PALM2AKAP2: variants seen among roughly 807,000 people sequenced by gnomAD.
The protein encoded by PALM2AKAP2 is PALM2-AKAP2 fusion protein.
Under a neutral mutation model 71.5 loss-of-function variants are expected in PALM2AKAP2, and 37 were observed. The ratio of observed to expected loss-of-function variants is 0.52; its 90% confidence interval spans 0.40 to 0.68. PALM2AKAP2 has a LOEUF of 0.68. PALM2AKAP2 is among the 30% of genes least tolerant of loss of function. The probability of loss-of-function intolerance (pLI) is 0.00; values close to 1 mark genes in which losing one functional copy is unlikely to be tolerated. For synonymous variants in PALM2AKAP2, 468 were observed against 478.8 expected (o/e 0.98, Z 0.29); for missense variants, 1,224 against 1,191.8 (o/e 1.03, Z -0.40).
chr9:110,016,080 T>G, intron 7 of PALM2AKAP2, 41 bp downstream of exon 7: 124 of 1,585,874 alleles, frequency 7.8e-5, no homozygotes, highest in Non-Finnish European at 9.8e-5. Flanking sequence ...AGTGTATCTC[T>G]AGAGTAAAGG....
Position 109,927,750 on chromosome 9 carries a change from C to T in PALM2AKAP2, c.394+2668C>T, listed in dbSNP as rs537441954. 1.4e-4 allele frequency among the ~76,000 whole-genome samples: 22 copies of T among 152,310 alleles called. 1 individual carries two copies. In the South Asian group the frequency reaches 4.4e-3, roughly 30 times the overall value. The stretch of plus-strand genomic sequence containing the variant: ...TACATTCTGACACCCACTCTCCTCC[C>T]CCGCCAACACACACTGTTGTTATAT... On this transcript the variant is annotated intron_variant, in intron 5 of 9. Transcript: ENST00000302798.
chr9:110,040,492 A>C (rs1833492165), intron 7 of PALM2AKAP2, among the ~76,000 whole-genome samples: 1 of 152,216 alleles, frequency 6.6e-6, no homozygotes, highest in Admixed American at 6.5e-5. Flanking sequence ...AGACTACCGC[A>C]AAGACTATCT....
At chr9:110,024,856 T>C (rs1431081571) in intron 7 of PALM2AKAP2, 1 of 794,010 alleles carries the variant, frequency 1.3e-6, no homozygotes. Flanking sequence ...AGAGGTCTTT[T>C]ATTTATTTAT....
chr9:109,836,668 G>A lies in PALM2AKAP2; in HGVS notation c.46-30823G>A, dbSNP rs181157466. Among the ~76,000 whole-genome samples the A allele has an allele frequency of 3.2e-4, 49 of 152,314 alleles. 1 individual carries two copies. In the East Asian group the frequency reaches 4.4e-3, roughly 14 times the overall value. On this transcript the variant is annotated intron_variant, in intron 1 of 9. Coordinates refer to the PALM2AKAP2 transcript ENST00000302798. ...CAAATGGCTAACTAGAATAACCAGT[G>A]TAGAGAAGTCCTTAAATGACCTGAT...
intron 1 of PALM2AKAP2, among the ~76,000 whole-genome samples, chr9:109,689,952 T>A (rs1169598839): frequency 6.6e-6 from 1 of 152,014 alleles, no homozygotes; most frequent in East Asian, 1.9e-4. Flanking sequence ...AGGCCAGGAA[T>A]GTCATGGAGA....
intron 1 of PALM2AKAP2, among the ~76,000 whole-genome samples, chr9:109,836,194 G>C (rs1447431007): frequency 6.6e-6 from 1 of 152,222 alleles, no homozygotes; most frequent in Non-Finnish European, 1.5e-5. Context: ...CCAGAGGAAT[G>C]ATCAGGCAGC....
chr9:109,666,579 A>C (rs1350928309), intron 1 of PALM2AKAP2, among the ~76,000 whole-genome samples: 1 of 151,890 alleles, frequency 6.6e-6, no homozygotes, highest in East Asian at 1.9e-4. Flanking sequence ...CTTCTCTCCC[A>C]CTCTCAGTTC....
At chr9:109,834,940 C>T (rs1828416084) in intron 1 of PALM2AKAP2, among the ~76,000 whole-genome samples, 1 of 152,126 alleles carries the variant, frequency 6.6e-6, no homozygotes, top group South Asian at 2.1e-4. Flanking sequence ...GTTTGATTCC[C>T]CCAATCTCAA....
chr9:109,747,480 C>T (rs1587892652), intron 1 of PALM2AKAP2, among the ~76,000 whole-genome samples: 2 of 152,218 alleles, frequency 1.3e-5, no homozygotes, highest in Non-Finnish European at 2.9e-5. Flanking sequence ...ATTATATATA[C>T]TCATAAGAAG....
At chr9:109,943,206 A>G in intron 6 of PALM2AKAP2, 1 of 1,614,226 alleles carries the variant, frequency 6.2e-7, no homozygotes, top group East Asian at 2.2e-5. Flanking sequence ...TCAAGGCTGA[A>G]TTGGTCCTCA....
chr9:109,972,159 G>A (rs1588039053), intron 6 of PALM2AKAP2, among the ~76,000 whole-genome samples: 1 of 152,186 alleles, frequency 6.6e-6, no homozygotes, highest in Non-Finnish European at 1.5e-5. Context: ...GCTTCATGCA[G>A]GGCCTTGCCT....
intron 6 of PALM2AKAP2, among the ~76,000 whole-genome samples, chr9:109,998,443 G>A (rs1185086097): frequency 6.6e-6 from 1 of 152,100 alleles, no homozygotes; most frequent in East Asian, 1.9e-4. Flanking sequence ...TGGATAGGAA[G>A]GCTGGAAGGC....
intron 1 of PALM2AKAP2, among the ~76,000 whole-genome samples, chr9:110,075,355 T>C (rs1254542506): frequency 1.3e-5 from 2 of 152,246 alleles, no homozygotes; most frequent in Non-Finnish European, 2.9e-5. Context: ...GTTTGAAAAC[T>C]GAATCAGATG....
chr9:109,663,200 C>T (rs1003826123), intron 1 of PALM2AKAP2, among the ~76,000 whole-genome samples: 1 of 152,144 alleles, frequency 6.6e-6, no homozygotes, highest in African/African-American at 2.4e-5. Flanking sequence ...CAGTTCTGCT[C>T]TGATCTTAGT....
At chr9:109,916,251 T>C (rs1350944727) in intron 3 of PALM2AKAP2, among the ~76,000 whole-genome samples, 3 of 152,166 alleles carry the variant, frequency 2.0e-5, no homozygotes, top group Non-Finnish European at 4.4e-5. Flanking sequence ...TAGCTGAGGA[T>C]CTGGGAAGCA....
intron 1 of PALM2AKAP2, among the ~76,000 whole-genome samples, chr9:109,858,955 A>G (rs1829242559): frequency 6.6e-6 from 1 of 152,198 alleles, no homozygotes; most frequent in African/African-American, 2.4e-5. Flanking sequence ...AAACAGACTT[A>G]AGATATAACC....
At chr9:110,065,018 A>G (rs1179117302) in intron 1 of PALM2AKAP2, among the ~76,000 whole-genome samples, 1 of 152,128 alleles carries the variant, frequency 6.6e-6, no homozygotes, top group Non-Finnish European at 1.5e-5. Context: ...GGCTGTGGAA[A>G]CATAGCAGTG....
At chr9:109,895,641 A>G (rs956692464) in intron 3 of PALM2AKAP2, among the ~76,000 whole-genome samples, 2 of 152,206 alleles carry the variant, frequency 1.3e-5, no homozygotes, top group Admixed American at 1.3e-4. Flanking sequence ...TAAAGAAGGA[A>G]GGGAGATTCT....
At chr9:109,979,068 C>A (rs1832222274) in intron 6 of PALM2AKAP2, among the ~76,000 whole-genome samples, 1 of 151,932 alleles carries the variant, frequency 6.6e-6, no homozygotes, top group African/African-American at 2.4e-5. Flanking sequence ...TGGCTCACTG[C>A]AACCTCCTCC....
Sources: gnomAD v4.1 joint callset for allele counts (sites outside exome capture counted in the v4.1 genomes callset) on GRCh38, gnomAD v4.1.1 for gene constraint, MANE v1.5 for transcripts, NCBI Gene and HGNC (gene_info 2026-07-23, HGNC 2026-07-21) for gene names.